The following MEF2C variants were observed in gnomAD, a reference collection of about 807,000 sequenced individuals.
The protein encoded by MEF2C is myocyte-specific enhancer factor 2C.
Under a neutral mutation model 50.5 loss-of-function variants are expected in MEF2C, and 6 were observed. The observed-to-expected ratio is 0.12, with a 90% CI of 0.07 to 0.23. The LOEUF (loss-of-function observed/expected upper bound fraction) is 0.23, where lower values mean the gene tolerates loss of function less well. Ranked by LOEUF, MEF2C falls within the 10% of genes least tolerant of loss-of-function variation. The pLI is 1.00. For missense variants in MEF2C, 276 were observed against 605.0 expected (o/e 0.46, Z 5.70); for synonymous variants, 183 against 228.0 (o/e 0.80, Z 1.78).
intron 4 of MEF2C, among the ~76,000 whole-genome samples, chr5:88,759,169 T>C (rs1000243576): frequency 6.6e-6 from 1 of 152,210 alleles, no homozygotes; most frequent in Non-Finnish European, 1.5e-5. Context: ...CAAGATAAAC[T>C]CAGATCATAA....
intron 2 of MEF2C, among the ~76,000 whole-genome samples, chr5:88,818,604 T>C (rs188446417): frequency 2.3e-4 from 35 of 152,120 alleles, no homozygotes; most frequent in Non-Finnish European, 4.4e-4. Flanking sequence ...AGGAAACGAC[T>C]TCTCCCCATC....
At chr5:88,881,980 T>C (rs2150109007) in intron 1 of MEF2C, among the ~76,000 whole-genome samples, 1 of 152,174 alleles carries the variant, frequency 6.6e-6, no homozygotes, top group East Asian at 1.9e-4. Context: ...AGACACGCAT[T>C]CCTAAAATGT....
chr5:88,822,701 C>T (rs1473263501), intron 2 of MEF2C, among the ~76,000 whole-genome samples: 1 of 151,930 alleles, frequency 6.6e-6, no homozygotes, highest in Non-Finnish European at 1.5e-5. Flanking sequence ...GAAGACAAAA[C>T]AGGACAATAG....
At position 88,826,090 on chromosome 5, in the gene MEF2C, G is replaced by T. The variant is rs1483780791; in HGVS notation, c.-142-2160C>A. 3.3e-5 allele frequency among the ~76,000 whole-genome samples: 5 copies of T among 151,856 alleles called. No homozygotes were observed. In the East Asian group the frequency reaches 9.7e-4, roughly 29 times the overall value. On this transcript the variant is annotated intron_variant, in intron 1 of 10. Coordinates refer to ENST00000504921, the MANE Select transcript of MEF2C (RefSeq NM_002397.5). ...AGAGTTCCTGATGAACCAAACTTAG[G>T]AGAGTTCCTCCATATCATCACCCCA... is the stretch of plus-strand genomic sequence containing the variant.
intron 1 of MEF2C, among the ~76,000 whole-genome samples, chr5:88,903,167 TA>T (rs1448855346): frequency 6.6e-6 from 1 of 151,654 alleles, no homozygotes; most frequent in Non-Finnish European, 1.5e-5. Flanking sequence ...ATTAACAAAA[TA>T]AAAATAAAAA....
intron 6 of MEF2C, among the ~76,000 whole-genome samples, chr5:88,745,102 C>T (rs992747187): frequency 6.6e-6 from 1 of 152,166 alleles, no homozygotes; most frequent in Non-Finnish European, 1.5e-5. Context: ...TACATCAACA[C>T]TATTAAAACT....
chr5:88,800,523 T>C (rs939229437), intron 3 of MEF2C, among the ~76,000 whole-genome samples: 2 of 152,198 alleles, frequency 1.3e-5, no homozygotes, highest in African/African-American at 2.4e-5. Flanking sequence ...TGTAAGCATG[T>C]CCTGTGGGAT....
Position 88,841,633 on chromosome 5 carries a change from A to C in MEF2C, c.-142-17703T>G, listed in dbSNP as rs192126218. On this transcript the variant is annotated intron_variant, in intron 1 of 10. Coordinates refer to ENST00000504921, the MANE Select transcript of MEF2C (RefSeq NM_002397.5). ...TTTCTTAGTATCAATGGATTCCATA[A>C]GTCACACATACTTGTATTACATTTC... Among the ~76,000 whole-genome samples the C allele has an allele frequency of 6.0e-4, 92 of 152,332 alleles. 1 individual carries two copies. In the East Asian group the frequency reaches 0.015, roughly 25 times the overall value.
Position 88,720,058 on chromosome 5 carries a change from T to C in MEF2C, c.*2546A>G, listed in dbSNP as rs189612321. 1 of 152,324 alleles carries C rather than the reference T, an allele frequency of 6.6e-6. No individual in the cohort carries two copies. Among genetic ancestry groups the C allele is most frequent in the East Asian group, 1.9e-4 (1 of 5,196 alleles). The allele number at this position is 152,324 out of a possible 1,614,324, so 9.4% of individuals were successfully genotyped here. A position where few individuals can be genotyped will look rare whatever the true frequency, so the allele number is the denominator to read the frequency against. The stretch of plus-strand genomic sequence containing the variant: ...GTAATGACCCTTTCCCACCCACTGG[T>C]ATCTACTGATATTGATATACTAAAG... On this transcript the variant is annotated 3_prime_UTR_variant, in exon 11 of 11. Coordinates refer to ENST00000504921, the MANE Select transcript of MEF2C (RefSeq NM_002397.5).
chr5:88,774,176 TAG>T (rs1491551449), intron 3 of MEF2C, among the ~76,000 whole-genome samples: 1 of 151,766 alleles, frequency 6.6e-6, no homozygotes, highest in African/African-American at 2.4e-5. Flanking sequence ...TAGAAGTTGT[TAG>T]AGTTTCAGGA....
At chr5:88,763,608 T>C (rs1778761902) in intron 3 of MEF2C, among the ~76,000 whole-genome samples, 1 of 152,152 alleles carries the variant, frequency 6.6e-6, no homozygotes, top group Admixed American at 6.5e-5. Flanking sequence ...TATTATTTGA[T>C]ATTTTTCAAA....
chr5:88,781,016 C>CT (rs1282279818), intron 3 of MEF2C: 1,622 of 765,212 alleles, frequency 2.1e-3, no homozygotes, highest in Middle Eastern at 3.3e-3. Flanking sequence ...CAGAGTTCCA[C>CT]TTTTTTTTTC....
At chr5:88,804,471 G>T (rs1799555642) in intron 3 of MEF2C, 127 bp downstream of exon 3, 1 of 757,358 alleles carries the variant, frequency 1.3e-6, no homozygotes, top group Admixed American at 2.6e-5. Flanking sequence ...TAATAATCCT[G>T]GGTCTATCTA....
chr5:88,818,432 A>AT lies in MEF2C; in HGVS notation c.54+5302dup, dbSNP rs373737322. ...GAAAGAGGGTAAGACTGCCTAACTG[A>AT]TGGAGGTATTTCAAGGGTAAAAAAA... On this transcript the variant is annotated intron_variant, in intron 2 of 10. Transcript: ENST00000504921. Among the ~76,000 whole-genome samples, 741 of 151,986 alleles carry AT rather than the reference A, an allele frequency of 4.9e-3. 4 individuals are homozygous for AT. The highest frequency in any genetic ancestry group is 0.017 in the African/African-American group (715 of 41,488).
chr5:88,864,657 C>T (rs973119544), intron 1 of MEF2C, among the ~76,000 whole-genome samples: 2 of 152,058 alleles, frequency 1.3e-5, no homozygotes, highest in African/African-American at 4.8e-5. Flanking sequence ...AGTGGCACTA[C>T]TATAGCTCAG....
intron 3 of MEF2C, among the ~76,000 whole-genome samples, chr5:88,797,532 A>C (rs1182072766): frequency 8.4e-5 from 10 of 118,656 alleles, no homozygotes. Flanking sequence ...TTTTGAGCCT[A>C]TGTGTGTCTT....
intron 10 of MEF2C, among the ~76,000 whole-genome samples, 163 bp downstream of exon 10, chr5:88,728,330 G>C (rs1372671355): frequency 6.6e-6 from 1 of 152,082 alleles, no homozygotes; most frequent in African/African-American, 2.4e-5. Context: ...AGGTATATAA[G>C]ATTTAAGCTA....
At chr5:88,800,986 A>T (rs1285208342) in intron 3 of MEF2C, among the ~76,000 whole-genome samples, 1 of 152,186 alleles carries the variant, frequency 6.6e-6, no homozygotes, top group East Asian at 1.9e-4. Flanking sequence ...AGTAGTGCTA[A>T]TTATCAAGCA....
At chr5:88,752,546 C>T (rs1748131519) in intron 4 of MEF2C, 5 of 907,770 alleles carry the variant, frequency 5.5e-6, no homozygotes, top group Non-Finnish European at 6.6e-6. Context: ...TTTTTAAAGT[C>T]TATGTTTTAA....
Sources: gnomAD v4.1 joint callset for allele counts (sites outside exome capture counted in the v4.1 genomes callset) on GRCh38, gnomAD v4.1.1 for gene constraint, MANE v1.5 for transcripts, NCBI Gene and HGNC (gene_info 2026-07-23, HGNC 2026-07-21) for gene names.